The following MTMR3 variants were observed in gnomAD, a reference collection of about 807,000 sequenced individuals.
MTMR3 encodes the protein myotubularin related protein 3.
In MTMR3, 32 loss-of-function variants were observed where a neutral mutation model predicts 132.4. The ratio of observed to expected loss-of-function variants is 0.24; its 90% CI spans 0.18 to 0.32. MTMR3 has a LOEUF of 0.32. Ranked by LOEUF, MTMR3 falls within the 10% of genes least tolerant of loss-of-function variation. MTMR3 has a pLI of 1.00. For synonymous variants in MTMR3, 556 were observed against 550.3 expected, an observed-to-expected ratio of 1.01 and a Z score of -0.14; for missense variants, 1,216 against 1,489.6, an observed-to-expected ratio of 0.82 and a Z score of 3.02.
chr22:30,004,447 G>C (rs536152838), intron 9 of MTMR3: 53 of 152,278 alleles, frequency 3.5e-4, no homozygotes, highest in African/African-American at 1.3e-3. Context: ...AAGCTTAAGA[G>C]GGCTGGTTGA....
intron 9 of MTMR3, chr22:30,005,837 A>G (rs1266101777): frequency 6.6e-6 from 1 of 152,226 alleles, no homozygotes; most frequent in Non-Finnish European, 1.5e-5. Context: ...AAGATGTCCA[A>G]TGGATGAAGC....
rs150001399 is a variant in MTMR3 at position 30,018,323 on chromosome 22, G to A, written c.1820+251G>A. 1.6e-4 allele frequency: 67 copies of A among 410,258 alleles called. No individual in the cohort carries two copies. The East Asian group carries it at 2.7e-3, about 16-fold the overall frequency. The allele number at this position is 410,258 out of a possible 1,614,324, so 25.4% of individuals were successfully genotyped here. On this transcript the variant is annotated intron_variant, in intron 16 of 19. Transcript: ENST00000401950. ...TACACTGAGCCGCTCCTCAGTGATAGAGCAAATCCTCCAGTTTTTCTGTGA... is the reference window on the plus strand; with the variant it reads ...TACACTGAGCCGCTCCTCAGTGATAAAGCAAATCCTCCAGTTTTTCTGTGA...
chr22:29,893,305 CA>C (rs369461333), intron 1 of MTMR3, among the ~76,000 whole-genome samples: 2 of 151,738 alleles, frequency 1.3e-5, no homozygotes, highest in Non-Finnish European at 2.9e-5. Flanking sequence ...TTCATGGTGA[CA>C]AAAAAAATAC....
chr22:29,970,497 C>CATTTTTTT (rs2066511689), intron 2 of MTMR3, among the ~76,000 whole-genome samples: 1 of 57,744 alleles, frequency 1.7e-5, no homozygotes, highest in African/African-American at 7.9e-5. Flanking sequence ...CCATGACCAG[C>CATTTTTTT]TTTTTTTTTT....
chr22:29,941,026 C>T (rs2145810859), intron 1 of MTMR3, among the ~76,000 whole-genome samples: 1 of 150,264 alleles, frequency 6.7e-6, no homozygotes, highest in Non-Finnish European at 1.5e-5. Flanking sequence ...TGATACAGAA[C>T]TTTTACATCA....
intron 18 of MTMR3, 32 bp downstream of exon 18, chr22:30,022,171 C>T: frequency 6.4e-7 from 1 of 1,557,246 alleles, no homozygotes; most frequent in Non-Finnish European, 8.9e-7. Flanking sequence ...TGAGTGCCAT[C>T]AATTTAACTG....
chr22:30,006,917 G>A, intron 9 of MTMR3, 197 bp from the exon 10 acceptor site: 1 of 580,874 alleles, frequency 1.7e-6, no homozygotes, highest in Admixed American at 3.1e-5. Context: ...TATGGTAATT[G>A]AGAAAGACAC....
intron 1 of MTMR3, among the ~76,000 whole-genome samples, chr22:29,943,215 C>CA (rs2065890718): frequency 6.6e-6 from 1 of 151,306 alleles, no homozygotes; most frequent in South Asian, 2.1e-4. Context: ...TTTTTTGAGA[C>CA]AGAGTCTCAC....
At chr22:29,970,948 T>TTTTCCC in intron 2 of MTMR3, 28 bp from the exon 3 acceptor site, 1 of 685,458 alleles carries the variant, frequency 1.5e-6, no homozygotes, top group Non-Finnish European at 2.3e-6. Flanking sequence ...TTTTTTTTCT[T>TTTTCCC]CTTCCCCCTC....
At chr22:29,915,009 G>C (rs1433593023) in intron 1 of MTMR3, among the ~76,000 whole-genome samples, 1 of 152,044 alleles carries the variant, frequency 6.6e-6, no homozygotes, top group Non-Finnish European at 1.5e-5. Context: ...TACTCTATAG[G>C]ATTTCAGTCT....
chr22:29,959,100 T>C (rs972393152), intron 2 of MTMR3, among the ~76,000 whole-genome samples: 4 of 152,220 alleles, frequency 2.6e-5, no homozygotes, highest in African/African-American at 7.2e-5. Context: ...AATTTCTCTT[T>C]AACAGGTGCC....
At chr22:29,939,889 T>C (rs2065822309) in intron 1 of MTMR3, among the ~76,000 whole-genome samples, 1 of 152,144 alleles carries the variant, frequency 6.6e-6, no homozygotes, top group South Asian at 2.1e-4. Flanking sequence ...CATTCAACCA[T>C]TGTAATCTGT....
At chr22:29,927,576 C>T (rs545546422) in intron 1 of MTMR3, among the ~76,000 whole-genome samples, 2 of 151,798 alleles carry the variant, frequency 1.3e-5, no homozygotes, top group East Asian at 1.9e-4. Context: ...ATTTTAATTT[C>T]GAGGTGTTTA....
intron 9 of MTMR3, chr22:30,003,421 C>CG (rs2067214836): frequency 6.5e-6 from 1 of 152,804 alleles, no homozygotes; most frequent in African/African-American, 2.4e-5. Flanking sequence ...TGGAAGAACT[C>CG]TGTTTCGAGA....
intron 1 of MTMR3, among the ~76,000 whole-genome samples, chr22:29,900,159 T>A (rs749973856): frequency 3.3e-5 from 5 of 152,192 alleles, no homozygotes; most frequent in Non-Finnish European, 5.9e-5. Flanking sequence ...TATACCTGTG[T>A]CTTTGTTAGG....
In MTMR3 at chr22:30,026,035, C is replaced by T. The variant is rs1216911262; in HGVS notation, c.*234C>T. On this transcript the variant is annotated 3_prime_UTR_variant, in exon 20 of 20. Transcript: ENST00000401950. ...CTGCCTTCAAAAAAGGAAACTTTCC[C>T]TTGGTTGTCTTAATTTTTTTTTTTT... 4.4e-6 allele frequency: 2 copies of T among 455,782 alleles called. No individual in the cohort carries two copies. The highest frequency in any genetic ancestry group is 2.0e-5 in the African/African-American group (1 of 50,714). The allele number at this position is 455,782 out of a possible 1,614,324, so 28.2% of individuals were successfully genotyped here.
chr22:30,007,267 G>C lies in MTMR3; in HGVS notation c.825G>C (p.Arg275Ser). 6.2e-7 allele frequency: 1 copy of C among 1,614,182 alleles called. No homozygotes were observed. The highest frequency in any genetic ancestry group is 8.5e-7 in the Non-Finnish European group (1 of 1,180,030). Residue 275 changes from arginine to serine, a missense_variant, in exon 10 of 20, where the codon AGG becomes AGC. Physicochemically the swap from Arg to Ser is moderately radical, Grantham distance 110. This residue lies in a region of MTMR3 where 47 missense variants were observed against 46.8 expected (regional missense o/e 1.00). Coordinates refer to ENST00000401950, the MANE Select transcript of MTMR3 (RefSeq NM_021090.4). ...SRSSGSKLST[R>S]NTSRDFPNGG... is the part of the protein sequence containing the mutation. ...CGAGTGGCAGCAAGCTGTCAACTAGGAACACTTCTCGAGACTTTCCCAATG... is the reference window on the plus strand; with the variant it reads ...CGAGTGGCAGCAAGCTGTCAACTAGCAACACTTCTCGAGACTTTCCCAATG...
intron 8 of MTMR3, chr22:29,999,197 G>A (rs2067120105): frequency 6.2e-6 from 1 of 160,334 alleles, no homozygotes; most frequent in Admixed American, 6.4e-5. Flanking sequence ...ACATTAGAGA[G>A]AGGATCAGTG....
chr22:29,917,474 G>A (rs539090537), intron 1 of MTMR3, among the ~76,000 whole-genome samples: 9 of 152,288 alleles, frequency 5.9e-5, no homozygotes, highest in Admixed American at 2.6e-4. Context: ...CAGGGAGAAC[G>A]CGTCTCTTAA....
Sources: gnomAD v4.1 joint callset for allele counts (sites outside exome capture counted in the v4.1 genomes callset) on GRCh38, gnomAD v4.1.1 for gene constraint, gnomAD v4.1.1 regional missense constraint, MANE v1.5 for transcripts, NCBI Gene and HGNC (gene_info 2026-07-23, HGNC 2026-07-21) for gene names.